Variants in ESYT1 observed in about 807,000 individuals in gnomAD.
ESYT1 encodes extended synaptotagmin-1.
In ESYT1, 116 loss-of-function variants were observed where a neutral mutation model predicts 154.2. The ratio of observed to expected loss-of-function variants is 0.75; its 90% CI spans 0.65 to 0.88. ESYT1 has a LOEUF of 0.88. ESYT1 is among the 40% of genes least tolerant of loss of function. The pLI, the probability that ESYT1 is intolerant of heterozygous loss-of-function variation, is 0.00. For missense variants in ESYT1, 1,264 were observed against 1,379.3 expected, an observed-to-expected ratio of 0.92 and a Z score of 1.32; for synonymous variants, 500 against 539.9, an observed-to-expected ratio of 0.93 and a Z score of 1.02.
At chr12:56,134,235 T>A (rs1225097985) in intron 14 of ESYT1, 54 bp downstream of exon 14, 22 of 1,603,900 alleles carry the variant, frequency 1.4e-5, no homozygotes, top group Non-Finnish European at 1.5e-5. Context: ...AGAGGCCTAT[T>A]CTTGGGATGG....
At position 56,131,818 on chromosome 12, in the gene ESYT1, A is replaced by C; in HGVS notation, c.860+14A>C. 1 of 1,613,956 alleles carries C rather than the reference A, an allele frequency of 6.2e-7. No individual in the cohort carries two copies. Among genetic ancestry groups the C allele is most frequent in the East Asian group, 2.2e-5 (1 of 44,882 alleles). On this transcript the variant is annotated intron_variant, in intron 7 of 30. Transcript: ENST00000394048. ...CCCAGGACTTAGGTATCAAGGACTT[A>C]CTGAGCACCTGCTGAGTGTTCCAGC... is the stretch of plus-strand genomic sequence containing the variant.
intron 14 of ESYT1, 39 bp from the exon 15 acceptor site, chr12:56,134,303 C>G (rs1335237845): frequency 6.2e-7 from 1 of 1,602,898 alleles, no homozygotes; most frequent in East Asian, 2.2e-5. Flanking sequence ...AGGAATGGTG[C>G]TGTGGTATAC....
At chr12:56,143,169 G>A (rs1275497716) in intron 28 of ESYT1, 21 bp downstream of exon 28, 2 of 1,614,042 alleles carry the variant, frequency 1.2e-6, no homozygotes, top group Non-Finnish European at 1.7e-6. Context: ...GGGCATTCAG[G>A]TGGAGAGATG....
chr12:56,128,397 G>GC lies in ESYT1; in HGVS notation c.84dup (p.Ala29ArgfsTer22), dbSNP rs1462675034. ...CTGCTCCCTCCGACCCCACTGACCA[G>GC]CCCCCCGCTGCTCACGCAAAGCCAG... On this transcript the variant is annotated frameshift_variant, in exon 1 of 31. Transcript: ENST00000394048. LOFTEE classifies it high-confidence loss of function. 1.9e-6 allele frequency: 3 copies of GC among 1,611,512 alleles called. No individual in the cohort carries two copies. The highest frequency in any genetic ancestry group is 1.7e-5 in the Admixed American group (1 of 59,714).
rs1870497562 is a variant in ESYT1 at position 56,137,279 on chromosome 12, G to C, written c.1844G>C (p.Trp615Ser). ...ACGGTGCCTGGTTGTCCTGGTGCTTGGGACGTGGACAGTGAGAATCCCCAG... is the reference window on the plus strand; with the variant it reads ...ACGGTGCCTGGTTGTCCTGGTGCTTCGGACGTGGACAGTGAGAATCCCCAG... Reference protein sequence around the residue: ...FPTVPGCPGAWDVDSENPQRG... With the variant: ...FPTVPGCPGASDVDSENPQRG... The change falls in exon 17 of 31, where the codon TGG (tryptophan) becomes TCG (serine). Residue 615 changes from tryptophan (W) to serine (S), a missense_variant. By Grantham distance (177) the Trp-to-Ser change is radical (BLOSUM62 -3). Coordinates refer to ENST00000394048, the MANE Select transcript of ESYT1 (RefSeq NM_015292.3). The C allele has an allele frequency of 1.2e-6, 2 of 1,614,076 alleles. No individual in the cohort carries two copies. Among genetic ancestry groups the C allele is most frequent in the Admixed American group, 3.3e-5 (2 of 60,004 alleles).
chr12:56,137,806 T>C (rs1592248006), intron 18 of ESYT1, 26 bp from the exon 19 acceptor site: 1 of 1,613,142 alleles, frequency 6.2e-7, no homozygotes, highest in East Asian at 2.2e-5. Context: ...AGAGAATCTT[T>C]CATCTGCACT....
intron 6 of ESYT1, 75 bp from the exon 7 acceptor site, chr12:56,131,674 G>A (rs1870241051): frequency 1.2e-6 from 2 of 1,605,724 alleles, no homozygotes; most frequent in Non-Finnish European, 1.7e-6. Flanking sequence ...AGAAGGCCGA[G>A]GGGTTCTGGC....
rs1221503561 is a variant in ESYT1 at position 56,142,676 on chromosome 12, C to A, written c.2832C>A (p.Pro944=). ...LSEEPELSGG[P]PHITSSAPEL... is the part of the protein sequence containing the mutation. The stretch of plus-strand genomic sequence containing the variant: ...AAGAACCAGAGCTCTCGGGGGGACC[C>A]CCTCACATCACCTCCTCAGCCCCAG... The change falls in exon 26 of 31, where the codon CCC becomes CCA. Residue 944 remains proline, a synonymous_variant. Transcript: ENST00000394048. This position sits in a 1 kb window ranked among gnomAD's most constrained non-coding sequence, Gnocchi z 4.1. 3 of 1,613,970 alleles carry A rather than the reference C, an allele frequency of 1.9e-6. No individual in the cohort carries two copies. In the African/African-American group the frequency reaches 4.0e-5, roughly 22 times the overall value.
intron 15 of ESYT1, among the ~76,000 whole-genome samples, chr12:56,134,668 G>A (rs542860812): frequency 2.1e-4 from 32 of 151,314 alleles, no homozygotes; most frequent in African/African-American, 6.6e-4. Context: ...GTGCGATCTC[G>A]GCTTACCGAA....
intron 10 of ESYT1, among the ~76,000 whole-genome samples, 175 bp from the exon 11 acceptor site, chr12:56,133,242 C>G (rs1870314170): frequency 6.6e-6 from 1 of 152,202 alleles, no homozygotes; most frequent in Admixed American, 6.5e-5. Context: ...TCCCCACCCC[C>G]AGCCCCTACC....
chr12:56,138,136 TCTC>T (rs1180202377), intron 20 of ESYT1, 44 bp from the exon 21 acceptor site: 1 of 1,613,620 alleles, frequency 6.2e-7, no homozygotes. Flanking sequence ...TTCTCAAAGT[TCTC>T]CTGTCTGCAT....
At position 56,128,381 on chromosome 12, in the gene ESYT1, C is replaced by G. The variant is rs1870087870; in HGVS notation, c.62C>G (p.Ser21Cys). Residue 21 changes from serine (S) to cysteine (C), a missense_variant, in exon 1 of 31, where the codon TCC (serine) becomes TGC (cysteine). Ser to Cys is a moderately radical substitution (Grantham distance 112). Coordinates refer to ENST00000394048, the MANE Select transcript of ESYT1 (RefSeq NM_015292.3). ...PSPMDQPSAP[S>C]DPTDQPPAAH... ...CCCATGGACCAGCCCTCTGCTCCCT[C>G]CGACCCCACTGACCAGCCCCCCGCT... 1 of 1,612,306 alleles carries G rather than the reference C, an allele frequency of 6.2e-7. No homozygotes were observed.
In ESYT1 at chr12:56,136,851, C is replaced by T; in HGVS notation, c.1740C>T (p.Ser580=). 1 of 1,612,350 alleles carries T rather than the reference C, an allele frequency of 6.2e-7. No homozygotes were observed. Among genetic ancestry groups the T allele is most frequent in the Non-Finnish European group, 8.5e-7 (1 of 1,178,846 alleles). The change falls in exon 16 of 31, where the codon AGC becomes AGT. Residue 580 remains serine, a synonymous_variant. Transcript: ENST00000394048. ...TGGACCAGTGGTTCCAGCTCAGCAG[C>T]TCTGGTCCAAACTCCAGACTCTATA... The part of the protein sequence containing the change: ...LILDQWFQLS[S]SGPNSRLYMK...
rs1163100011 is a variant in ESYT1 at position 56,139,614 on chromosome 12, G to A, written c.2592+601G>A. On this transcript the variant is annotated intron_variant, in intron 24 of 30. Coordinates refer to ENST00000394048, the MANE Select transcript of ESYT1 (RefSeq NM_015292.3). Reference sequence around the variant, plus strand: ...GTAGATTTTTTTTTTTTTTTTTTGAGACTAGAGTCTCACTCTTATTGCCCA... The same window carrying A: ...GTAGATTTTTTTTTTTTTTTTTTGAAACTAGAGTCTCACTCTTATTGCCCA... Among the ~76,000 whole-genome samples, 3 of 142,438 alleles carry A rather than the reference G, an allele frequency of 2.1e-5. No individual in the cohort carries two copies. In the East Asian group the frequency reaches 6.1e-4, roughly 29 times the overall value. The allele number at this position is 142,438 out of a possible 152,430, so 93.4% of individuals were successfully genotyped here.
At chr12:56,131,683 G>A in intron 6 of ESYT1, 66 bp from the exon 7 acceptor site, 1 of 1,608,692 alleles carries the variant, frequency 6.2e-7, no homozygotes, top group Non-Finnish European at 8.5e-7. Context: ...AGGGGTTCTG[G>A]CAACTGTTTG....
rs763729105 is a variant in ESYT1 at position 56,133,684 on chromosome 12, A to C, written c.1380+10A>C. The stretch of plus-strand genomic sequence containing the variant: ...AGAGAAACTGGAGCAGGTAAGCCAC[A>C]TGGGAAATAGGAAGCTGGCAGGGGA... On this transcript the variant is annotated intron_variant, in intron 12 of 30. Coordinates refer to ENST00000394048, the MANE Select transcript of ESYT1 (RefSeq NM_015292.3). 9 of 1,614,190 alleles carry C rather than the reference A, an allele frequency of 5.6e-6. No individual in the cohort carries two copies. The highest frequency in any genetic ancestry group is 3.3e-5 in the South Asian group (3 of 91,090).
chr12:56,130,863 G>T lies in ESYT1; in HGVS notation c.505G>T (p.Val169Phe), dbSNP rs747302015. 2 of 1,614,200 alleles carry T rather than the reference G, an allele frequency of 1.2e-6. No homozygotes were observed. The highest frequency in any genetic ancestry group is 1.1e-5 in the South Asian group (1 of 91,084). Residue 169 changes from valine to phenylalanine, a missense_variant, in exon 3 of 31, where the codon GTT becomes TTT. Transcript: ENST00000394048. Reference sequence around the variant, plus strand: ...TCTGGCTGAAACTGTGGCTCCGGCTGTTAGGGGATCTAACCCCCATCTGCA... The same window carrying T: ...TCTGGCTGAAACTGTGGCTCCGGCTTTTAGGGGATCTAACCCCCATCTGCA... ...KLLAETVAPA[V>F]RGSNPHLQTF... is the part of the protein sequence containing the mutation.
At chr12:56,140,120 G>A (rs147202123) in intron 24 of ESYT1, among the ~76,000 whole-genome samples, 15 of 151,760 alleles carry the variant, frequency 9.9e-5, no homozygotes, top group East Asian at 5.8e-4. Context: ...TGCCCGCCTC[G>A]GCATCCCAAA....
chr12:56,131,401 C>G (rs1432823065), intron 5 of ESYT1, 76 bp from the exon 6 acceptor site: 3 of 1,608,652 alleles, frequency 1.9e-6, no homozygotes, highest in African/African-American at 2.7e-5. Context: ...TTGGAAAGAC[C>G]AAGGCTGAGA....
Sources: gnomAD v4.1 joint callset for allele counts (sites outside exome capture counted in the v4.1 genomes callset) on GRCh38, gnomAD v4.1.1 for gene constraint, Gnocchi (gnomAD v3.1) non-coding constraint, MANE v1.5 for transcripts, NCBI Gene and HGNC (gene_info 2026-07-23, HGNC 2026-07-21) for gene names.